POTEF: variants seen among roughly 807,000 people sequenced by gnomAD.
POTEF encodes ANKRD26-like family C member 1B.
In POTEF, 20 loss-of-function variants were observed where a neutral mutation model predicts 83.2. The observed-to-expected ratio is 0.24, with a 90% CI of 0.17 to 0.35. The LOEUF (loss-of-function observed/expected upper bound fraction) is 0.35. POTEF is among the 10% of genes least tolerant of loss of function. The pLI is 1.00. For missense variants in POTEF, 550 were observed against 1,203.2 expected (o/e 0.46, Z 8.03); for synonymous variants, 196 against 446.4 (o/e 0.44, Z 7.07).
In POTEF at chr2:130,102,913, C is replaced by A. The variant is rs950078889; in HGVS notation, c.1127-733G>T. On this transcript the variant is annotated intron_variant, in intron 8 of 16. Transcript: ENST00000409914. ...CGGATGCAAATCTGCTGAGCTGTTG[C>A]GAACCTAAATGAAATCCTCCTGTTT... Among the ~76,000 whole-genome samples the A allele has an allele frequency of 8.6e-5, 13 of 151,526 alleles. 1 individual carries two copies. Among genetic ancestry groups the A allele is most frequent in the South Asian group, 6.2e-4 (3 of 4,816 alleles).
chr2:130,110,429 G>A lies in POTEF; in HGVS notation c.1055+114C>T, dbSNP rs1253211876. The A allele has an allele frequency of 1.4e-5, 22 of 1,585,440 alleles. 1 individual carries two copies. The highest frequency in any genetic ancestry group is 1.3e-4 in the East Asian group (6 of 44,710). On this transcript the variant is annotated intron_variant, in intron 7 of 16. Transcript: ENST00000409914. The stretch of plus-strand genomic sequence containing the variant: ...GCAGGGGACTAAAACTCACTGCCAC[G>A]CGAAAACTACCTGAACCAAACTATG...
rs190497598 is a variant in POTEF at position 130,117,149 on chromosome 2, A to G, written c.522-1821T>C. Among the ~76,000 whole-genome samples, 27 of 152,012 alleles carry G rather than the reference A, an allele frequency of 1.8e-4. 1 individual carries two copies. The East Asian group carries it at 2.3e-3, about 13-fold the overall frequency. The stretch of plus-strand genomic sequence containing the variant: ...TTGCTATTTTAATTTTCATAAACAT[A>G]TAACTCAACTAAAATGATTAATTCA... On this transcript the variant is annotated intron_variant, in intron 3 of 16. Transcript: ENST00000409914.
chr2:130,075,361 T>A lies in POTEF; in HGVS notation c.2111A>T (p.Asp704Val), dbSNP rs1333933822. The change falls in exon 17 of 17, where the codon GAT (aspartate) becomes GTT (valine). Residue 704 changes from aspartate (D) to valine (V), a missense_variant. Asp to Val is a radical substitution (Grantham distance 152). Transcript: ENST00000409914. ...GTTGTCAATGACGAGCACAGCGGTA[T>A]CATCATCCATGGTGAGCTCATTCAA... Reference protein sequence around the residue: ...LQLNELTMDDDTAVLVIDNGS... With the variant: ...LQLNELTMDDVTAVLVIDNGS... 1 of 1,612,304 alleles carries A rather than the reference T, an allele frequency of 6.2e-7. No homozygotes were observed. Among genetic ancestry groups the A allele is most frequent in the East Asian group, 2.2e-5 (1 of 44,866 alleles).
intron 3 of POTEF, among the ~76,000 whole-genome samples, chr2:130,117,394 A>G (rs1374525163): frequency 6.6e-6 from 1 of 151,870 alleles, no homozygotes; most frequent in East Asian, 1.9e-4. Flanking sequence ...CCCAAGGATT[A>G]TTGCATTACT....
At chr2:130,098,630 CTACAT>C (rs1684313330) in intron 11 of POTEF, among the ~76,000 whole-genome samples, 2 of 132,708 alleles carry the variant, frequency 1.5e-5, no homozygotes, top group Non-Finnish European at 3.1e-5. Flanking sequence ...TGGTTGCATA[CTACAT>C]TAATTTCTGG....
intron 8 of POTEF, among the ~76,000 whole-genome samples, chr2:130,103,391 A>C (rs994291406): frequency 1.3e-5 from 2 of 150,294 alleles, no homozygotes; most frequent in African/African-American, 2.5e-5. Flanking sequence ...GAGCCACCAC[A>C]CTTGTCCTTA....
chr2:130,100,921 G>A (rs1684353520), intron 9 of POTEF, among the ~76,000 whole-genome samples: 1 of 148,074 alleles, frequency 6.8e-6, no homozygotes, highest in Non-Finnish European at 1.5e-5. Context: ...TCTATGTTTA[G>A]CTACTGCCAC....
chr2:130,110,836 A>AAATGCCAC (rs1684689744), intron 6 of POTEF, among the ~76,000 whole-genome samples, 156 bp from the exon 7 acceptor site: 1 of 89,790 alleles, frequency 1.1e-5, no homozygotes, highest in East Asian at 2.9e-4. Context: ...CATCTTTGTA[A>AAATGCCAC]AATGCCACCA....
chr2:130,116,140 TAAAC>T (rs1315800930), intron 3 of POTEF, among the ~76,000 whole-genome samples: 7 of 152,124 alleles, frequency 4.6e-5, no homozygotes, highest in African/African-American at 1.7e-4. Context: ...ATTTCTAAAA[TAAAC>T]CAATTCTTAC....
At chr2:130,121,983 G>A (rs1573618421) in intron 2 of POTEF, among the ~76,000 whole-genome samples, 1 of 151,594 alleles carries the variant, frequency 6.6e-6, no homozygotes, top group Admixed American at 6.6e-5. Flanking sequence ...ACCTCTCCCA[G>A]CCCTAGGCAA....
chr2:130,117,308 C>G (rs1444840308), intron 3 of POTEF, among the ~76,000 whole-genome samples: 1 of 151,812 alleles, frequency 6.6e-6, no homozygotes, highest in Non-Finnish European at 1.5e-5. Flanking sequence ...GGAAGATAGC[C>G]AACCACAGAT....
intron 2 of POTEF, among the ~76,000 whole-genome samples, chr2:130,127,441 C>A (rs1007482582): frequency 3.3e-5 from 5 of 150,238 alleles, no homozygotes; most frequent in Admixed American, 2.6e-4. Context: ...GGAGGCCACC[C>A]TCCAGAGATT....
chr2:130,128,447 C>G (rs1223427577), intron 1 of POTEF, among the ~76,000 whole-genome samples: 2 of 150,606 alleles, frequency 1.3e-5, no homozygotes, highest in Non-Finnish European at 3.0e-5. Flanking sequence ...GGCAGTATAG[C>G]CCCCATAGCA....
intron 8 of POTEF, among the ~76,000 whole-genome samples, chr2:130,103,082 A>C: frequency 7.1e-6 from 1 of 140,822 alleles, no homozygotes; most frequent in Non-Finnish European, 1.5e-5. Flanking sequence ...TGACACATTT[A>C]TTTTCATTTT....
chr2:130,105,058 T>C (rs1448237782), intron 8 of POTEF, among the ~76,000 whole-genome samples: 2 of 149,210 alleles, frequency 1.3e-5, no homozygotes, highest in Non-Finnish European at 3.0e-5. Flanking sequence ...TAAATACTAC[T>C]GTACAACCTG....
Position 130,109,222 on chromosome 2 carries a change from A to T in POTEF, c.1056-1143T>A, listed in dbSNP as rs183467080. ...GACTGCACAAAATATGGAATGCTTC[A>T]AAGATCTGTCCTGCCTCCTTATGCA... On this transcript the variant is annotated intron_variant, in intron 7 of 16. Coordinates refer to ENST00000409914, the MANE Select transcript of POTEF (RefSeq NM_001099771.2). The T allele has an allele frequency of 5.3e-5, 8 of 149,870 alleles. No homozygotes were observed. The East Asian group carries it at 1.6e-3, about 29-fold the overall frequency. The allele number at this position is 149,870 out of a possible 1,614,324, so 9.3% of individuals were successfully genotyped here. A position where few individuals can be genotyped will look rare whatever the true frequency, so the allele number is the denominator to read the frequency against.
At chr2:130,116,112 A>G (rs1447798907) in intron 3 of POTEF, among the ~76,000 whole-genome samples, 3 of 152,086 alleles carry the variant, frequency 2.0e-5, no homozygotes, top group Non-Finnish European at 4.4e-5. Flanking sequence ...AAGAAAGCTG[A>G]GGTGAAAACA....
chr2:130,126,196 A>G (rs4663030), intron 2 of POTEF, among the ~76,000 whole-genome samples: 75,939 of 114,982 alleles, frequency 0.66, 21,304 homozygotes, highest in Admixed American at 0.72. Flanking sequence ...CCAGTTACTC[A>G]GGAGGCTGAG....
chr2:130,095,035 T>C (rs1684211532), intron 11 of POTEF, among the ~76,000 whole-genome samples: 3 of 108,754 alleles, frequency 2.8e-5, no homozygotes, highest in Middle Eastern at 4.2e-3. Context: ...CTTTTTTTTT[T>C]TTTTTTTTTT....
Sources: allele counts gnomAD v4.1 joint callset (sites outside exome capture counted in the v4.1 genomes callset), GRCh38; gene constraint gnomAD v4.1.1; transcripts MANE v1.5; gene names NCBI Gene and HGNC (gene_info 2026-07-23, HGNC 2026-07-21).